The following SNX12 variants were observed in gnomAD, a reference collection of about 807,000 sequenced individuals.
The protein encoded by SNX12 is sorting nexin-12.
For synonymous variants in SNX12, 47 were observed against 56.0 expected (o/e 0.84, Z 0.71); for missense variants, 62 against 141.3 (o/e 0.44, Z 2.84).
upstream of SNX12, chrX:71,068,358 T>C (rs943843296): frequency 2.9e-6 from 3 of 1,052,444 alleles, no homozygotes; most frequent in Non-Finnish European, 3.8e-6. Flanking sequence ...GACAGAGGCC[T>C]GAGGCAGGAG....
At chrX:71,064,187 C>T (rs985342644) in intron 1 of SNX12, among the ~76,000 whole-genome samples, 2 of 111,302 alleles carry the variant, frequency 1.8e-5, no homozygotes, top group Admixed American at 1.9e-4. Context: ...AATTTAAATT[C>T]CCTGTAAAGA....
At position 71,061,967 on chromosome X, in the gene SNX12, T is replaced by C; in HGVS notation, c.262A>G (p.Ile88Val). 8.4e-7 allele frequency: 1 copy of C among 1,191,355 alleles called. No homozygotes were observed. The highest frequency in any genetic ancestry group is 1.1e-6 in the Non-Finnish European group (1 of 888,712). ...TTCCCAGGCAGTGGTGGTACTACAA[T>C]CTGCAGGCACACACAAAATTCCAGC... ...LKNELERDSK[I>V]VVPPLPGKAL... The change falls in exon 3 of 4, where the codon ATT becomes GTT. Residue 88 changes from isoleucine (I) to valine (V), a missense_variant and splice_region_variant. Transcript: ENST00000374274.
At chrX:71,067,824 C>G (rs1251484393) in intron 1 of SNX12, among the ~76,000 whole-genome samples, 1 of 110,540 alleles carries the variant, frequency 9.0e-6, no homozygotes, top group Non-Finnish European at 1.9e-5. Context: ...TTCCTTCAGT[C>G]GCTACAGCCG....
intron 1 of SNX12, among the ~76,000 whole-genome samples, chrX:71,063,341 AC>A (rs1354481847): frequency 9.1e-6 from 1 of 110,109 alleles, no homozygotes; most frequent in African/African-American, 3.3e-5. Flanking sequence ...TACTAAAAAT[AC>A]AAAAATTAGC....
chrX:71,071,692 TA>T (rs1350447429), upstream of SNX12, among the ~76,000 whole-genome samples: 2 of 71,115 alleles, frequency 2.8e-5, no homozygotes, highest in East Asian at 7.7e-4. Flanking sequence ...TATTTATATA[TA>T]AATATATAAT....
chrX:71,071,544 TTA>T (rs1442524655), upstream of SNX12, among the ~76,000 whole-genome samples: 1 of 36,721 alleles, frequency 2.7e-5, no homozygotes, highest in Non-Finnish European at 4.0e-5. Flanking sequence ...TTTATATATA[TTA>T]TATATAAATA....
chrX:71,062,513 C>T lies in SNX12; in HGVS notation c.261+341G>A, dbSNP rs569310163. 1.5e-4 allele frequency among the ~76,000 whole-genome samples: 16 copies of T among 108,440 alleles called. No individual in the cohort carries two copies. The South Asian group carries it at 6.7e-3, about 46-fold the overall frequency. 94.2% of individuals were successfully genotyped at this position (108,440 alleles called of 115,157 possible). On this transcript the variant is annotated intron_variant, in intron 2 of 3. Coordinates refer to ENST00000374274, the MANE Select transcript of SNX12 (RefSeq NM_013346.4). Reference sequence around the variant, plus strand: ...TCAGCCTCCCAAGTAGCTGGGATTACAGGCATCCACCACCACACCTGGCTG... The same window carrying T: ...TCAGCCTCCCAAGTAGCTGGGATTATAGGCATCCACCACCACACCTGGCTG...
chrX:71,071,639 T>TATATA (rs2092173748), upstream of SNX12, among the ~76,000 whole-genome samples: 1 of 58,318 alleles, frequency 1.7e-5, no homozygotes, highest in Non-Finnish European at 2.8e-5. Context: ...ATATTTATAT[T>TATATA]TATATATCTA....
At chrX:71,068,344 G>T, upstream of SNX12, 5 of 1,109,756 alleles carry the variant, frequency 4.5e-6, no homozygotes, top group Non-Finnish European at 4.9e-6. Context: ...GAAAGGGGGT[G>T]GGGGACAGAG....
intron 1 of SNX12, among the ~76,000 whole-genome samples, chrX:71,066,159 C>A (rs771937387): frequency 8.9e-5 from 10 of 112,265 alleles, no homozygotes; most frequent in African/African-American, 3.2e-4. Context: ...TGTACTTGGG[C>A]AAGTTACTTA....
upstream of SNX12, among the ~76,000 whole-genome samples, chrX:71,070,319 G>C (rs770190098): frequency 3.6e-5 from 4 of 111,727 alleles, no homozygotes; most frequent in East Asian, 8.4e-4. Context: ...ATAAGACTCC[G>C]AATCAAGTGG....
chrX:71,067,968 C>G (rs929844083), intron 1 of SNX12, among the ~76,000 whole-genome samples, 174 bp downstream of exon 1: 1 of 110,662 alleles, frequency 9.0e-6, no homozygotes, highest in Non-Finnish European at 1.9e-5. Context: ...TTTCTGCATC[C>G]TCCGGCCACA....
chrX:71,067,927 T>A (rs78229927), intron 1 of SNX12, among the ~76,000 whole-genome samples: 5 of 110,127 alleles, frequency 4.5e-5, no homozygotes, highest in African/African-American at 1.7e-4. Context: ...GTAGCTTTCC[T>A]GCATCCCCGT....
upstream of SNX12, among the ~76,000 whole-genome samples, chrX:71,070,625 C>T (rs1410463116): frequency 9.0e-6 from 1 of 111,444 alleles, no homozygotes; most frequent in Non-Finnish European, 1.9e-5. Flanking sequence ...TGGCCTGGAG[C>T]TCGAGGGCGA....
rs1327339849 is a variant in SNX12, at chrX:71,061,872, C to T, written c.357G>A (p.Arg119=). The change falls in exon 3 of 4, where the codon AGG becomes AGA. Residue 119 remains arginine, a synonymous_variant. Transcript: ENST00000374274. ...TAATAAACTGCTCGAGGCCCTGCCT[C>T]CTTTCTTCGATGAAAGACTCCTCAA... is the stretch of plus-strand genomic sequence containing the variant. ...GIFEESFIEE[R]RQGLEQFINK... 1.7e-6 allele frequency: 2 copies of T among 1,206,795 alleles called. No homozygotes were observed. The highest frequency in any genetic ancestry group is 4.4e-5 in the Admixed American group (2 of 45,055).
chrX:71,071,578 A>ATAT (rs2092172811), upstream of SNX12, among the ~76,000 whole-genome samples: 1 of 48,281 alleles, frequency 2.1e-5, no homozygotes, highest in Admixed American at 5.2e-4. Flanking sequence ...TATATTATAT[A>ATAT]TATAAATATA....
intron 1 of SNX12, among the ~76,000 whole-genome samples, chrX:71,063,950 A>C (rs1339167230): frequency 9.0e-6 from 1 of 111,489 alleles, no homozygotes; most frequent in East Asian, 2.8e-4. Flanking sequence ...AGTAAAATCA[A>C]GGTATAGAAC....
intron 3 of SNX12, among the ~76,000 whole-genome samples, chrX:71,061,540 C>G (rs995217340): frequency 8.9e-6 from 1 of 111,770 alleles, no homozygotes; most frequent in Non-Finnish European, 1.9e-5. Context: ...CGAGACCAGT[C>G]TGGCCAACAT....
chrX:71,066,702 G>A (rs756917049), intron 1 of SNX12, among the ~76,000 whole-genome samples: 1 of 109,641 alleles, frequency 9.1e-6, no homozygotes, highest in Non-Finnish European at 1.9e-5. Flanking sequence ...ACAGCAGACA[G>A]CCCTTATGCT....
Sources: allele counts gnomAD v4.1 joint callset (sites outside exome capture counted in the v4.1 genomes callset), GRCh38; gene constraint gnomAD v4.1.1; transcripts MANE v1.5; gene names NCBI Gene and HGNC (gene_info 2026-07-23, HGNC 2026-07-21).